Variants in CRELD1 observed in about 807,000 individuals in gnomAD.
CRELD1 encodes the protein CRELD disulfide isomerase 1, also known as protein disulfide isomerase CRELD1.
A neutral mutation model predicts 58.2 loss-of-function variants in CRELD1; 42 were observed. The ratio of observed to expected loss-of-function variants is 0.72; its 90% CI spans 0.56 to 0.93. CRELD1 has a LOEUF of 0.93. Among genes scored for constraint, CRELD1 ranks in the 40% least tolerant of loss-of-function variants. CRELD1 has a pLI of 0.00. For missense variants in CRELD1, 500 were observed against 540.6 expected, an observed-to-expected ratio of 0.92 and a Z score of 0.74; for synonymous variants, 222 against 202.0, an observed-to-expected ratio of 1.10 and a Z score of -0.84.
At chr3:9,943,284 G>C in intron 9 of CRELD1, 97 bp from the exon 10 acceptor site, 1 of 1,603,056 alleles carries the variant, frequency 6.2e-7, no homozygotes, top group Non-Finnish European at 8.5e-7. Flanking sequence ...ATGTTGCCTG[G>C]GCAAGGGCAG....
At chr3:9,937,336 G>A (rs1460001031) in intron 3 of CRELD1, among the ~76,000 whole-genome samples, 2 of 152,168 alleles carry the variant, frequency 1.3e-5, no homozygotes, top group Non-Finnish European at 2.9e-5. Flanking sequence ...CCATTTTACA[G>A]ATGACAAAAC....
chr3:9,943,684 C>T, intron 10 of CRELD1, 169 bp downstream of exon 10: 1 of 985,386 alleles, frequency 1.0e-6, no homozygotes, highest in Non-Finnish European at 1.2e-6. Context: ...GGTTGGCTCT[C>T]AGCAGCCTTA....
At chr3:9,943,983 T>A (rs2085446639) in intron 10 of CRELD1, 2 of 1,064,048 alleles carry the variant, frequency 1.9e-6, no homozygotes, top group Non-Finnish European at 3.0e-6. Context: ...TCTACATATG[T>A]AAAAATGAAG....
intron 4 of CRELD1, 89 bp downstream of exon 4, chr3:9,937,761 G>C (rs2085236710): frequency 1.0e-6 from 1 of 953,032 alleles, no homozygotes; most frequent in Admixed American, 2.0e-5. Context: ...GGGGGTGCAT[G>C]CTGGGGCCCA....
chr3:9,940,006 A>G (rs2085308952), intron 5 of CRELD1, among the ~76,000 whole-genome samples: 1 of 150,752 alleles, frequency 6.6e-6, no homozygotes, highest in African/African-American at 2.5e-5. Flanking sequence ...TGCCCGGCGG[A>G]GACACTTCTC....
chr3:9,942,935 TGGAG>T, intron 8 of CRELD1, 39 bp downstream of exon 8: 1 of 1,577,738 alleles, frequency 6.3e-7, no homozygotes, highest in Non-Finnish European at 8.7e-7. Context: ...ACGTGAGGAG[TGGAG>T]GAAGAGCTGC....
At chr3:9,936,525 GTA>G (rs567131321) in intron 3 of CRELD1, among the ~76,000 whole-genome samples, 7 of 139,814 alleles carry the variant, frequency 5.0e-5, no homozygotes, top group Admixed American at 7.0e-5. Flanking sequence ...ATATGTCTGC[GTA>G]TATATATGTG....
In CRELD1 at chr3:9,938,042, G is replaced by A. The variant is rs2085244723; in HGVS notation, c.396G>A (p.Gln132=). 1.2e-6 allele frequency: 2 copies of A among 1,613,872 alleles called. No homozygotes were observed. Among genetic ancestry groups the A allele is most frequent in the African/African-American group, 1.3e-5 (1 of 74,900 alleles). Residue 132 remains glutamine (Q), a synonymous_variant, in exon 5 of 11, where the codon CAG becomes CAA. Transcript: ENST00000452070. ...HKQQEAPDLF[Q]WLCSDSLKLC... ...AGCAGGAGGCCCCGGACCTCTTCCA[G>A]TGGCTGTGCTCAGATTCCCTGAAGC...
At chr3:9,939,514 A>G (rs1342905634) in intron 5 of CRELD1, among the ~76,000 whole-genome samples, 1 of 152,060 alleles carries the variant, frequency 6.6e-6, no homozygotes, top group East Asian at 1.9e-4. Context: ...GGTACTTGAG[A>G]TCAAGGAGTG....
intron 2 of CRELD1, 56 bp downstream of exon 2, chr3:9,934,668 T>G (rs1036535004): frequency 3.1e-6 from 5 of 1,589,228 alleles, no homozygotes; most frequent in Admixed American, 1.7e-5. Flanking sequence ...AGTGGGGAAC[T>G]CTGGGATGCA....
intron 9 of CRELD1, 54 bp from the exon 10 acceptor site, chr3:9,943,327 C>G (rs2085421604): frequency 1.9e-6 from 3 of 1,613,212 alleles, no homozygotes; most frequent in Non-Finnish European, 2.5e-6. Context: ...AAGATGGAGT[C>G]AGGGTGCTGG....
At position 9,940,942 on chromosome 3, in the gene CRELD1, G is replaced by A; in HGVS notation, c.553G>A (p.Ala185Thr). The A allele has an allele frequency of 1.2e-6, 2 of 1,614,176 alleles. No individual in the cohort carries two copies. Among genetic ancestry groups the A allele is most frequent in the African/African-American group, 2.7e-5 (2 of 75,044 alleles). The change falls in exon 6 of 11, where the codon GCC (alanine) becomes ACC (threonine). Residue 185 changes from alanine to threonine, a missense_variant. Physicochemically the swap from Ala to Thr is moderately conservative, Grantham distance 58. Transcript: ENST00000452070. ...RGGSGHCDCQ[A>T]GYGGEACGQC... ...GGGCAGCGGGCACTGTGACTGCCAA[G>A]CCGGCTACGGGGGTGAGGCCTGTGG...
At chr3:9,937,353 G>T (rs1229453739) in intron 3 of CRELD1, among the ~76,000 whole-genome samples, 1 of 152,134 alleles carries the variant, frequency 6.6e-6, no homozygotes, top group African/African-American at 2.4e-5. Flanking sequence ...AAACAAAGAG[G>T]TTCAGAGAGG....
At chr3:9,943,009 G>C in intron 8 of CRELD1, 68 bp from the exon 9 acceptor site, 1 of 1,559,544 alleles carries the variant, frequency 6.4e-7, no homozygotes, top group South Asian at 1.1e-5. Flanking sequence ...CCAGGCCTCC[G>C]CTTCTGGAGC....
rs1408230289 is a variant in CRELD1 at position 9,943,116 on chromosome 3, C to G, written c.857C>G (p.Pro286Arg). 1.2e-6 allele frequency: 2 copies of G among 1,613,704 alleles called. No individual in the cohort carries two copies. Among genetic ancestry groups the G allele is most frequent in the East Asian group, 4.5e-5 (2 of 44,862 alleles). ...TGCCTAGGCTGCATGGGGGCAGGGC[C>G]AGGTCGCTGTAAGAAGTGTAGCCCT... ...KACLGCMGAG[P>R]GRCKKCSPGY... Residue 286 changes from proline (P) to arginine (R), a missense_variant, in exon 9 of 11, where the codon CCA becomes CGA. Pro to Arg is a moderately radical substitution (Grantham distance 103, BLOSUM62 -2). Transcript: ENST00000452070.
In CRELD1 at chr3:9,944,818, A is replaced by G; in HGVS notation, c.*239A>G. On this transcript the variant is annotated 3_prime_UTR_variant, in exon 11 of 11. Transcript: ENST00000452070. ...CCTGGCGGGGACTGGCAGGCTTCAC[A>G]ATGTGTGAATTTCAAAAGTTTTTCC... 4 of 564,912 alleles carry G rather than the reference A, an allele frequency of 7.1e-6. No homozygotes were observed. Among genetic ancestry groups the G allele is most frequent in the Non-Finnish European group, 1.3e-5 (4 of 314,526 alleles). The allele number at this position is 564,912 out of a possible 1,614,324, so 35.0% of individuals were successfully genotyped here.
In CRELD1 at chr3:9,941,172, G is replaced by C. The variant is rs751636782; in HGVS notation, c.699G>C (p.Lys233Asn). The change falls in exon 7 of 11, where the codon AAG (lysine) becomes AAC (asparagine). Residue 233 changes from lysine to asparagine, a missense_variant. By Grantham distance (94) the Lys-to-Asn change is moderately conservative. Coordinates refer to ENST00000452070, the MANE Select transcript of CRELD1 (RefSeq NM_001077415.3). ...AGGAATCAAACTGTTTGCAATGCAAGAAGGGCTGGGCCCTGCATCACCTCA... is the reference window on the plus strand; with the variant it reads ...AGGAATCAAACTGTTTGCAATGCAACAAGGGCTGGGCCCTGCATCACCTCA... ...GPEESNCLQC[K>N]KGWALHHLKC... is the part of the protein sequence containing the mutation. 45 of 1,614,080 alleles carry C rather than the reference G, an allele frequency of 2.8e-5. No homozygotes were observed. The highest frequency in any genetic ancestry group is 8.3e-5 in the Admixed American group (5 of 60,014).
At chr3:9,939,654 GTCATAGATCAACAGGA>G (rs1175061054) in intron 5 of CRELD1, among the ~76,000 whole-genome samples, 1 of 152,202 alleles carries the variant, frequency 6.6e-6, no homozygotes, top group Non-Finnish European at 1.5e-5. Context: ...TGGGGATAAG[GTCATAGATCAACAGGA>G]TCCCAAGGCA....
intron 2 of CRELD1, 82 bp downstream of exon 2, chr3:9,934,694 A>C (rs1476907699): frequency 6.4e-6 from 10 of 1,558,694 alleles, no homozygotes; most frequent in Middle Eastern, 1.7e-4. Context: ...GCGTGGATTT[A>C]AGTTTCATCT....
Sources: gnomAD v4.1 joint callset for allele counts (sites outside exome capture counted in the v4.1 genomes callset) on GRCh38, gnomAD v4.1.1 for gene constraint, MANE v1.5 for transcripts, NCBI Gene and HGNC (gene_info 2026-07-23, HGNC 2026-07-21) for gene names.